The following TAS2R1 variants were observed in gnomAD, a reference collection of about 807,000 sequenced individuals.
The protein encoded by TAS2R1 is taste 2 receptor member 1.
For synonymous variants in TAS2R1, 141 were observed against 134.2 expected (o/e 1.05, Z -0.35); for missense variants, 370 against 353.4 (o/e 1.05, Z -0.38).
chr5:9,675,059 A>G (rs1334681512), intron 1 of TAS2R1, among the ~76,000 whole-genome samples: 3 of 150,922 alleles, frequency 2.0e-5, no homozygotes, highest in Admixed American at 6.6e-5. Context: ...TTGAAATTTG[A>G]TATTAAAAAT....
chr5:9,715,897 G>C (rs184112068), upstream of TAS2R1, among the ~76,000 whole-genome samples: 1 of 152,308 alleles, frequency 6.6e-6, no homozygotes, highest in East Asian at 1.9e-4. Flanking sequence ...GAAAAGTAAA[G>C]CCATTTCCTG....
chr5:9,737,281 G>A, the TAS2R1 span, among the ~76,000 whole-genome samples: 1 of 152,282 alleles, frequency 6.6e-6, no homozygotes, highest in Non-Finnish European at 1.5e-5. Context: ...TTACACATTA[G>A]GTCAACATAG....
chr5:9,634,409 C>T (rs140556453), upstream of TAS2R1, among the ~76,000 whole-genome samples: 934 of 151,868 alleles, frequency 6.2e-3, 10 homozygotes, highest in African/African-American at 0.021. Context: ...GTTGTTGTTG[C>T]GTAGTCTTGC....
chr5:9,678,584 T>C (rs1740925554), intron 1 of TAS2R1, among the ~76,000 whole-genome samples: 1 of 152,144 alleles, frequency 6.6e-6, no homozygotes, highest in Non-Finnish European at 1.5e-5. Context: ...ATACACACCA[T>C]GGAATATTAT....
chr5:9,899,635 T>TA, the TAS2R1 span, among the ~76,000 whole-genome samples: 91,044 of 137,218 alleles, frequency 0.66, 30,459 homozygotes, highest in East Asian at 0.87. Flanking sequence ...AGACTCTGTC[T>TA]AAAAAAAAAA....
the TAS2R1 span, among the ~76,000 whole-genome samples, chr5:9,903,240 C>G: frequency 6.6e-6 from 1 of 151,994 alleles, no homozygotes; most frequent in African/African-American, 2.4e-5. Flanking sequence ...GTGAAAAAAC[C>G]TACAAGTAAG....
At chr5:9,735,401 T>C in the TAS2R1 span, among the ~76,000 whole-genome samples, 1 of 151,556 alleles carries the variant, frequency 6.6e-6, no homozygotes, top group Non-Finnish European at 1.5e-5. Context: ...ATATATCACA[T>C]ACTGACAAGA....
At chr5:9,806,288 G>A in the TAS2R1 span, among the ~76,000 whole-genome samples, 1 of 152,124 alleles carries the variant, frequency 6.6e-6, no homozygotes, top group Non-Finnish European at 1.5e-5. Flanking sequence ...GCTCATTGAT[G>A]TGTAGAATCA....
upstream of TAS2R1, among the ~76,000 whole-genome samples, chr5:9,631,178 C>G (rs900285294): frequency 5.3e-5 from 8 of 152,130 alleles, no homozygotes; most frequent in Admixed American, 1.3e-4. Context: ...TAGTTTGTAC[C>G]TTCCAGTTAT....
the TAS2R1 span, among the ~76,000 whole-genome samples, chr5:9,737,820 A>T: frequency 6.6e-6 from 1 of 152,186 alleles, no homozygotes; most frequent in African/African-American, 2.4e-5. Context: ...TGTCTTCATG[A>T]CTTACTTCTT....
At chr5:9,724,759 T>C in the TAS2R1 span, among the ~76,000 whole-genome samples, 1 of 152,210 alleles carries the variant, frequency 6.6e-6, no homozygotes, top group Non-Finnish European at 1.5e-5. Context: ...CTTCAGGGCA[T>C]ATTCATGTGT....
chr5:9,815,739 T>G, the TAS2R1 span, among the ~76,000 whole-genome samples: 1 of 152,022 alleles, frequency 6.6e-6, no homozygotes, highest in Non-Finnish European at 1.5e-5. Flanking sequence ...ACTCAACATC[T>G]CACATGTCCC....
the TAS2R1 span, among the ~76,000 whole-genome samples, chr5:9,842,320 T>TC: frequency 7.1e-6 from 1 of 141,066 alleles, no homozygotes; most frequent in Non-Finnish European, 1.6e-5. Context: ...TTCTCTCTTT[T>TC]TTTTTTTTTT....
the TAS2R1 span, among the ~76,000 whole-genome samples, chr5:9,730,481 C>T: frequency 1.3e-5 from 2 of 152,208 alleles, no homozygotes; most frequent in African/African-American, 2.4e-5. Context: ...GCTGCCACAC[C>T]TGTGCAGGTG....
At chr5:9,728,727 C>T in the TAS2R1 span, among the ~76,000 whole-genome samples, 5 of 152,296 alleles carry the variant, frequency 3.3e-5, no homozygotes, top group South Asian at 6.2e-4. Context: ...GCAAGTGGCA[C>T]GTCTGCAAGT....
chr5:9,746,522 C>A, the TAS2R1 span, among the ~76,000 whole-genome samples: 3 of 152,064 alleles, frequency 2.0e-5, no homozygotes, highest in African/African-American at 4.8e-5. Context: ...AACCCAAATG[C>A]CCATCAATGA....
At chr5:9,765,604 A>G in the TAS2R1 span, 1 of 151,904 alleles carries the variant, frequency 6.6e-6, no homozygotes, top group African/African-American at 2.4e-5. Flanking sequence ...AGCGCCCACC[A>G]CCATCTGGAA....
the TAS2R1 span, among the ~76,000 whole-genome samples, chr5:9,726,624 G>T: frequency 6.6e-6 from 1 of 152,116 alleles, no homozygotes; most frequent in Non-Finnish European, 1.5e-5. Context: ...AAGAAACTTC[G>T]AACACATCCA....
the TAS2R1 span, among the ~76,000 whole-genome samples, chr5:9,835,909 T>A: frequency 6.6e-6 from 1 of 152,210 alleles, no homozygotes; most frequent in African/African-American, 2.4e-5. Flanking sequence ...AAACTGGATC[T>A]GAAATGAGTT....
Sources: allele counts gnomAD v4.1 joint callset (sites outside exome capture counted in the v4.1 genomes callset), GRCh38; gene constraint gnomAD v4.1.1; transcripts MANE v1.5; gene names NCBI Gene and HGNC (gene_info 2026-07-23, HGNC 2026-07-21).